The following THSD7B variants were observed in gnomAD, a reference collection of about 807,000 sequenced individuals.
THSD7B encodes thrombospondin type 1 domain containing 7B, also known as thrombospondin type-1 domain-containing protein 7B.
Under a neutral mutation model 213.6 loss-of-function variants are expected in THSD7B, and 138 were observed. The ratio of observed to expected loss-of-function variants is 0.65; its 90% CI spans 0.56 to 0.74. THSD7B has a LOEUF of 0.74. THSD7B is among the 30% of genes least tolerant of loss of function. The probability of loss-of-function intolerance (pLI) is 0.00; values close to 1 mark genes in which losing one functional copy is unlikely to be tolerated. For synonymous variants in THSD7B, 742 were observed against 687.0 expected (o/e 1.08, Z -1.25); for missense variants, 1,931 against 1,991.5 (o/e 0.97, Z 0.58).
In THSD7B at chr2:137,572,310, T is replaced by G. The variant is rs540859891; in HGVS notation, c.3273-96T>G. ...TTTCTGTGCTGGTCTTATGTTATATTTAACTATCGTCAGTTACTATGATAC... is the reference window on the plus strand; with the variant it reads ...TTTCTGTGCTGGTCTTATGTTATATGTAACTATCGTCAGTTACTATGATAC... On this transcript the variant is annotated intron_variant, in intron 16 of 27. Coordinates refer to ENST00000409968, the MANE Select transcript of THSD7B (RefSeq NM_001316349.2). 1.9e-5 allele frequency: 27 copies of G among 1,411,258 alleles called. No homozygotes were observed. In the East Asian group the frequency reaches 4.9e-4, roughly 25 times the overall value. 87.4% of individuals were successfully genotyped at this position (1,411,258 alleles called of 1,614,324 possible). A position where few individuals can be genotyped will look rare whatever the true frequency, so the allele number is the denominator to read the frequency against.
chr2:136,853,058 ATGTG>A (rs1236058412), intron 1 of THSD7B, among the ~76,000 whole-genome samples: 3 of 151,598 alleles, frequency 2.0e-5, no homozygotes, highest in Non-Finnish European at 4.4e-5. Context: ...GTGCATGTGC[ATGTG>A]TGTGTATGTG....
At chr2:136,850,981 G>T (rs1050983075) in intron 1 of THSD7B, among the ~76,000 whole-genome samples, 9 of 152,000 alleles carry the variant, frequency 5.9e-5, no homozygotes, top group African/African-American at 1.9e-4. Context: ...GCTATTGGAA[G>T]ATATTGCTGC....
intron 1 of THSD7B, among the ~76,000 whole-genome samples, chr2:136,855,259 G>T (rs545706086): frequency 6.6e-6 from 1 of 152,124 alleles, no homozygotes; most frequent in Non-Finnish European, 1.5e-5. Context: ...ATATATATAT[G>T]GATTTTCCAG....
intron 2 of THSD7B, among the ~76,000 whole-genome samples, chr2:136,904,265 G>C (rs924101373): frequency 2.0e-5 from 3 of 152,130 alleles, no homozygotes; most frequent in Non-Finnish European, 4.4e-5. Flanking sequence ...CCTGGGATAA[G>C]CCTGGGCAGT....
chr2:137,268,484 C>T (rs1322714145), intron 10 of THSD7B, among the ~76,000 whole-genome samples: 1 of 152,096 alleles, frequency 6.6e-6, no homozygotes, highest in Non-Finnish European at 1.5e-5. Context: ...TGATGATATG[C>T]TCAACAAGGT....
At chr2:137,017,862 C>T (rs565175337) in intron 2 of THSD7B, among the ~76,000 whole-genome samples, 7 of 152,222 alleles carry the variant, frequency 4.6e-5, no homozygotes, top group African/African-American at 1.7e-4. Context: ...AAATTCTGAG[C>T]AACTGGATTC....
chr2:137,513,876 A>G (rs1470171784), intron 15 of THSD7B, among the ~76,000 whole-genome samples: 1 of 152,172 alleles, frequency 6.6e-6, no homozygotes, highest in Non-Finnish European at 1.5e-5. Flanking sequence ...CTGAGAGGAA[A>G]TGTCAATTGT....
At chr2:137,098,890 A>G (rs908007721) in intron 4 of THSD7B, among the ~76,000 whole-genome samples, 1 of 152,196 alleles carries the variant, frequency 6.6e-6, no homozygotes, top group Non-Finnish European at 1.5e-5. Context: ...GGAGCAACTA[A>G]TTTAACTTGA....
At chr2:137,540,379 T>A (rs2105191256) in intron 15 of THSD7B, among the ~76,000 whole-genome samples, 1 of 151,810 alleles carries the variant, frequency 6.6e-6, no homozygotes, top group Non-Finnish European at 1.5e-5. Context: ...CTCACAAAAA[T>A]GACTGAGTCT....
intron 11 of THSD7B, among the ~76,000 whole-genome samples, chr2:137,273,405 A>G (rs1682796194): frequency 6.6e-6 from 1 of 152,120 alleles, no homozygotes; most frequent in African/African-American, 2.4e-5. Context: ...TTTAAATCTG[A>G]TTGAAATGCT....
At chr2:137,233,667 A>C (rs778568020) in intron 9 of THSD7B, among the ~76,000 whole-genome samples, 3 of 152,234 alleles carry the variant, frequency 2.0e-5, no homozygotes, top group Non-Finnish European at 4.4e-5. Flanking sequence ...CTTTTTAAAG[A>C]GAGTAGCAAA....
At chr2:137,534,129 C>A (rs1330193325) in intron 15 of THSD7B, among the ~76,000 whole-genome samples, 1 of 151,320 alleles carries the variant, frequency 6.6e-6, no homozygotes, top group African/African-American at 2.4e-5. Context: ...TTTCCCTAAT[C>A]TTTCCATTTC....
intron 2 of THSD7B, among the ~76,000 whole-genome samples, chr2:136,886,134 G>A (rs909936623): frequency 2.6e-5 from 4 of 152,128 alleles, no homozygotes; most frequent in Admixed American, 1.3e-4. Context: ...ACATGGGGAG[G>A]GTGATGGGAG....
At chr2:137,359,651 G>GCTA (rs1328686533) in intron 12 of THSD7B, among the ~76,000 whole-genome samples, 1 of 152,108 alleles carries the variant, frequency 6.6e-6, no homozygotes, top group Non-Finnish European at 1.5e-5. Flanking sequence ...AGAATGATAG[G>GCTA]CTACTGTAAC....
chr2:137,282,572 A>G (rs1286909545), intron 12 of THSD7B, among the ~76,000 whole-genome samples: 1 of 152,098 alleles, frequency 6.6e-6, no homozygotes, highest in Non-Finnish European at 1.5e-5. Flanking sequence ...ATCTTGAATT[A>G]ATTTTTGTAT....
At chr2:137,485,845 A>G (rs1489266184) in intron 15 of THSD7B, among the ~76,000 whole-genome samples, 1 of 152,162 alleles carries the variant, frequency 6.6e-6, no homozygotes, top group Non-Finnish European at 1.5e-5. Context: ...AATATTCAAC[A>G]TTCTTAAAGA....
intron 20 of THSD7B, among the ~76,000 whole-genome samples, chr2:137,639,474 C>T (rs1463127314): frequency 2.0e-5 from 3 of 152,152 alleles, no homozygotes; most frequent in African/African-American, 4.8e-5. Context: ...AATATGGGGT[C>T]GGAGCCCCCA....
intron 15 of THSD7B, among the ~76,000 whole-genome samples, chr2:137,525,913 G>T (rs748014): frequency 0.11 from 16,784 of 152,108 alleles, 1,011 homozygotes; most frequent in African/African-American, 0.14. Flanking sequence ...CCCAGCCCTT[G>T]TCACAGTTGG....
intron 1 of THSD7B, 112 bp from the exon 2 acceptor site, chr2:136,882,032 A>C: frequency 4.1e-6 from 3 of 727,688 alleles, no homozygotes. Context: ...TACTATCTTC[A>C]TGCTAATGAA....
Sources: allele counts gnomAD v4.1 joint callset (sites outside exome capture counted in the v4.1 genomes callset), GRCh38; gene constraint gnomAD v4.1.1; transcripts MANE v1.5; gene names NCBI Gene and HGNC (gene_info 2026-07-23, HGNC 2026-07-21).